Variants in UHRF2 observed in about 807,000 individuals in gnomAD.
UHRF2 encodes ubiquitin like with PHD and ring finger domains 2, also known as E3 ubiquitin-protein ligase UHRF2.
In UHRF2, 23 loss-of-function variants were observed where a neutral mutation model predicts 96.8. The ratio of observed to expected loss-of-function variants is 0.24; its 90% CI spans 0.17 to 0.34. The LOEUF is 0.34. UHRF2 is among the 10% of genes least tolerant of loss of function. The pLI, the probability that UHRF2 is intolerant of heterozygous loss-of-function variation, is 1.00. For synonymous variants in UHRF2, 385 were observed against 332.6 expected (o/e 1.16, Z -1.72); for missense variants, 685 against 981.5 (o/e 0.70, Z 4.04).
intron 4 of UHRF2, among the ~76,000 whole-genome samples, chr9:6,464,312 G>T (rs1225835693): frequency 1.3e-5 from 2 of 152,242 alleles, no homozygotes; most frequent in East Asian, 3.9e-4. Context: ...TCATTTTTAG[G>T]AGTTCTAATT....
At chr9:6,451,003 A>G (rs1821824876) in intron 3 of UHRF2, among the ~76,000 whole-genome samples, 1 of 152,214 alleles carries the variant, frequency 6.6e-6, no homozygotes, top group South Asian at 2.1e-4. Context: ...GATAGTTCCA[A>G]TTAAATTTAG....
At chr9:6,501,938 A>C (rs1449145852) in intron 14 of UHRF2, among the ~76,000 whole-genome samples, 2 of 152,162 alleles carry the variant, frequency 1.3e-5, no homozygotes, top group Non-Finnish European at 2.9e-5. Context: ...AGTGGTGTGA[A>C]AGTTGTCTTC....
At position 6,420,320 on chromosome 9, in the gene UHRF2, A is replaced by G. The variant is rs574502106; in HGVS notation, c.154-592A>G. On this transcript the variant is annotated intron_variant, in intron 1 of 15. Coordinates refer to ENST00000276893, the MANE Select transcript of UHRF2 (RefSeq NM_152896.3). Reference sequence around the variant, plus strand: ...TCTGCTCTTTTCGGCCTCCCAAAGTACTGAGATTACAGGCGTGAGCCACCG... The same window carrying G: ...TCTGCTCTTTTCGGCCTCCCAAAGTGCTGAGATTACAGGCGTGAGCCACCG... Among the ~76,000 whole-genome samples the G allele has an allele frequency of 7.9e-5, 12 of 151,612 alleles. 1 individual carries two copies. In the South Asian group the frequency reaches 2.1e-3, roughly 26 times the overall value.
intron 3 of UHRF2, among the ~76,000 whole-genome samples, chr9:6,454,599 A>G (rs759093837): frequency 1.3e-5 from 2 of 152,148 alleles, no homozygotes; most frequent in Non-Finnish European, 2.9e-5. Flanking sequence ...CACAGGATTA[A>G]TATCTATTTA....
rs192246338 is a variant in UHRF2 at position 6,466,237 on chromosome 9, C to T, written c.863+5446C>T. The stretch of plus-strand genomic sequence containing the variant: ...CCAGCAGGGTGAAACCTCATCTCTA[C>T]TAAAAATATAAAAATTATGGCCAGG... On this transcript the variant is annotated intron_variant, in intron 4 of 15. Coordinates refer to ENST00000276893, the MANE Select transcript of UHRF2 (RefSeq NM_152896.3). 1.3e-4 allele frequency among the ~76,000 whole-genome samples: 20 copies of T among 152,116 alleles called. No homozygotes were observed. The East Asian group carries it at 3.3e-3, about 25-fold the overall frequency.
intron 3 of UHRF2, among the ~76,000 whole-genome samples, chr9:6,451,330 C>T (rs1002081105): frequency 1.3e-5 from 2 of 152,158 alleles, no homozygotes; most frequent in African/African-American, 4.8e-5. Flanking sequence ...GGATTTCTCA[C>T]ATTTTGTTAA....
chr9:6,506,575 G>C lies in UHRF2; in HGVS notation c.*396G>C, dbSNP rs1275324384. 6.4e-6 allele frequency: 1 copy of C among 156,618 alleles called. No homozygotes were observed. The highest frequency in any genetic ancestry group is 1.4e-5 in the Non-Finnish European group (1 of 70,798). The allele number at this position is 156,618 out of a possible 1,614,324, so 9.7% of individuals were successfully genotyped here. On this transcript the variant is annotated 3_prime_UTR_variant, in exon 16 of 16. Coordinates refer to ENST00000276893, the MANE Select transcript of UHRF2 (RefSeq NM_152896.3). ...TAGTTGTGCCTGGTTCTTGTAATTT[G>C]ATTTTACAGAAAAGGAAATGACACT...
intron 2 of UHRF2, among the ~76,000 whole-genome samples, chr9:6,431,461 A>T (rs1156811076): frequency 2.0e-5 from 3 of 152,134 alleles, no homozygotes; most frequent in African/African-American, 4.8e-5. Context: ...AACATTAGCT[A>T]GGTGTGGTGG....
chr9:6,418,011 A>T (rs1819712138), intron 1 of UHRF2, among the ~76,000 whole-genome samples: 1 of 152,120 alleles, frequency 6.6e-6, no homozygotes. Flanking sequence ...CTACTAGTTA[A>T]TTTGCATGTT....
intron 3 of UHRF2, among the ~76,000 whole-genome samples, chr9:6,458,674 G>A (rs964913721): frequency 4.6e-5 from 7 of 152,124 alleles, no homozygotes; most frequent in Non-Finnish European, 7.3e-5. Context: ...CAAGGACCTA[G>A]AACCAGAAAT....
chr9:6,494,736 G>A (rs1824864343), intron 10 of UHRF2: 1 of 152,138 alleles, frequency 6.6e-6, no homozygotes, highest in Non-Finnish European at 1.5e-5. Context: ...TGTCGATTGA[G>A]TAAAAGTGAG....
At chr9:6,447,793 C>A (rs1208405669) in intron 3 of UHRF2, among the ~76,000 whole-genome samples, 1 of 152,124 alleles carries the variant, frequency 6.6e-6, no homozygotes, top group Non-Finnish European at 1.5e-5. Flanking sequence ...CCTAGTTTAG[C>A]AGGCCAGAGA....
At chr9:6,478,636 A>C (rs747138418) in intron 6 of UHRF2, among the ~76,000 whole-genome samples, 2 of 152,180 alleles carry the variant, frequency 1.3e-5, no homozygotes, top group Non-Finnish European at 2.9e-5. Context: ...TTTCTTTTTA[A>C]ACTATGTGCC....
rs371504516 is a variant in UHRF2, at chr9:6,489,530, C to G, written c.1497+2605C>G. Among the ~76,000 whole-genome samples the G allele has an allele frequency of 5.9e-5, 9 of 152,196 alleles. No individual in the cohort carries two copies. In the East Asian group the frequency reaches 1.7e-3, roughly 29 times the overall value. On this transcript the variant is annotated intron_variant, in intron 9 of 15. Coordinates refer to ENST00000276893, the MANE Select transcript of UHRF2 (RefSeq NM_152896.3). ...AGTGACTACCATTTTATGTTCCTAT[C>G]GGCAGTATATGAGTGATCCAGTTTC...
At chr9:6,417,119 C>G (rs554962517) in intron 1 of UHRF2, among the ~76,000 whole-genome samples, 3 of 152,276 alleles carry the variant, frequency 2.0e-5, no homozygotes, top group South Asian at 4.1e-4. Context: ...TCACTGGCAT[C>G]CCTAGTCAGT....
intron 9 of UHRF2, among the ~76,000 whole-genome samples, chr9:6,489,470 T>C (rs1443847745): frequency 2.6e-5 from 4 of 152,232 alleles, no homozygotes; most frequent in Non-Finnish European, 2.9e-5. Context: ...GTTGCATGTT[T>C]AGTTGTTTAA....
chr9:6,434,242 A>C, intron 3 of UHRF2, 69 bp downstream of exon 3: 3 of 1,495,936 alleles, frequency 2.0e-6, no homozygotes, highest in Non-Finnish European at 2.7e-6. Flanking sequence ...TTCTATTTCA[A>C]GATTATTTTA....
At chr9:6,487,376 T>G (rs936807101) in intron 9 of UHRF2, among the ~76,000 whole-genome samples, 2 of 151,896 alleles carry the variant, frequency 1.3e-5, no homozygotes, top group Non-Finnish European at 1.5e-5. Context: ...TTTATGTATT[T>G]ATTTTTTGAG....
intron 5 of UHRF2, among the ~76,000 whole-genome samples, chr9:6,477,047 A>G (rs1823616020): frequency 6.6e-6 from 1 of 151,902 alleles, no homozygotes; most frequent in South Asian, 2.1e-4. Context: ...AGTCTGGCCA[A>G]CCTGGTGAAA....
Sources: allele counts gnomAD v4.1 joint callset (sites outside exome capture counted in the v4.1 genomes callset), GRCh38; gene constraint gnomAD v4.1.1; transcripts MANE v1.5; gene names NCBI Gene and HGNC (gene_info 2026-07-23, HGNC 2026-07-21).